Variants in FRMPD4 observed in about 807,000 individuals in gnomAD.
The protein encoded by FRMPD4 is FERM and PDZ domain-containing protein 4.
In FRMPD4, 22 loss-of-function variants were observed where a neutral mutation model predicts 94.1. That is an observed-to-expected ratio of 0.23 (90% CI 0.17 to 0.33). The LOEUF is 0.33. FRMPD4 is among the 10% of genes least tolerant of loss of function. The probability of loss-of-function intolerance (pLI) is 1.00; values close to 1 mark genes in which losing one functional copy is unlikely to be tolerated. For synonymous variants in FRMPD4, 631 were observed against 548.6 expected, an observed-to-expected ratio of 1.15 and a Z score of -2.10; for missense variants, 1,111 against 1,339.9, an observed-to-expected ratio of 0.83 and a Z score of 2.67.
At chrX:11,927,204 T>G (rs1396546962) in intron 3 of FRMPD4, among the ~76,000 whole-genome samples, 2 of 108,963 alleles carry the variant, frequency 1.8e-5, no homozygotes, top group Non-Finnish European at 3.8e-5. Flanking sequence ...AGGTAAAAGA[T>G]CTCTACAAAG....
chrX:11,901,070 A>G (rs1285170645), intron 3 of FRMPD4, among the ~76,000 whole-genome samples: 1 of 111,727 alleles, frequency 9.0e-6, no homozygotes, highest in Non-Finnish European at 1.9e-5. Context: ...TGGCCATGTG[A>G]ATCATCCTAC....
At chrX:12,540,224 A>T (rs915388771) in intron 2 of FRMPD4, among the ~76,000 whole-genome samples, 2 of 111,734 alleles carry the variant, frequency 1.8e-5, no homozygotes, top group African/African-American at 6.5e-5. Context: ...GACAGCATCA[A>T]ATCCACACAG....
intron 3 of FRMPD4, among the ~76,000 whole-genome samples, chrX:11,992,040 T>G (rs755788351): frequency 1.5e-4 from 17 of 111,719 alleles, no homozygotes; most frequent in Non-Finnish European, 2.6e-4. Flanking sequence ...ATATCTAGAC[T>G]ACTATCCAAT....
intron 1 of FRMPD4, among the ~76,000 whole-genome samples, chrX:11,845,202 G>A (rs1164096801): frequency 8.9e-6 from 1 of 111,779 alleles, no homozygotes; most frequent in Non-Finnish European, 1.9e-5. Context: ...AGTTTCTATT[G>A]ACTATTTTTC....
chrX:12,112,517 G>A (rs1278520965), intron 3 of FRMPD4, among the ~76,000 whole-genome samples: 1 of 110,792 alleles, frequency 9.0e-6, no homozygotes, highest in Non-Finnish European at 1.9e-5. Context: ...GTATACATAT[G>A]TAACAAACCT....
chrX:12,159,849 G>A (rs995339526), intron 1 of FRMPD4, among the ~76,000 whole-genome samples: 1 of 112,137 alleles, frequency 8.9e-6, no homozygotes, highest in African/African-American at 3.2e-5. Context: ...AAATTGAATG[G>A]TTAAGAAATA....
intron 1 of FRMPD4, among the ~76,000 whole-genome samples, chrX:12,141,355 T>G (rs946278782): frequency 1.8e-5 from 2 of 111,972 alleles, no homozygotes; most frequent in Non-Finnish European, 3.8e-5. Context: ...AAATGTTAAT[T>G]CAGAAGGCAT....
chrX:12,311,794 T>C (rs1353945491), intron 1 of FRMPD4, among the ~76,000 whole-genome samples: 3 of 111,892 alleles, frequency 2.7e-5, no homozygotes, highest in Admixed American at 9.5e-5. Context: ...CTTTTCAAGA[T>C]AATATCTTTT....
chrX:11,909,324 A>G (rs2053984397), intron 3 of FRMPD4, among the ~76,000 whole-genome samples: 1 of 112,049 alleles, frequency 8.9e-6, no homozygotes, highest in East Asian at 2.8e-4. Flanking sequence ...CTGAGTTTTA[A>G]AATTTATTGT....
At chrX:12,457,891 G>A (rs1231428400) in intron 1 of FRMPD4, among the ~76,000 whole-genome samples, 1 of 111,978 alleles carries the variant, frequency 8.9e-6, no homozygotes, top group Non-Finnish European at 1.9e-5. Flanking sequence ...TAGCAAGCCT[G>A]AAACTGCTAC....
intron 3 of FRMPD4, among the ~76,000 whole-genome samples, chrX:11,935,269 GTTTTTTTTTTTTT>G (rs1234166611): frequency 2.0e-4 from 1 of 5,009 alleles, no homozygotes; most frequent in African/African-American, 8.8e-4. Context: ...TTTTTAATGT[GTTTTTTTTTTTTT>G]TTTTTTTTTT....
chrX:12,609,134 A>G (rs1211795394), intron 2 of FRMPD4, among the ~76,000 whole-genome samples: 1 of 112,380 alleles, frequency 8.9e-6, no homozygotes, highest in African/African-American at 3.2e-5. Flanking sequence ...ATATTTATTA[A>G]TCATTAAGTA....
chrX:11,867,978 TTC>T (rs1055659082), intron 2 of FRMPD4, among the ~76,000 whole-genome samples: 1 of 112,030 alleles, frequency 8.9e-6, no homozygotes, highest in African/African-American at 3.2e-5. Flanking sequence ...TGTAGCCCAT[TTC>T]TCTCTTTCCG....
intron 2 of FRMPD4, among the ~76,000 whole-genome samples, chrX:12,516,275 T>C (rs1463741955): frequency 8.9e-6 from 1 of 112,152 alleles, no homozygotes; most frequent in Admixed American, 9.4e-5. Context: ...GACTTGTTGA[T>C]GTAGTTGCTT....
intron 2 of FRMPD4, among the ~76,000 whole-genome samples, chrX:12,519,330 T>C (rs1011467205): frequency 8.9e-6 from 1 of 112,472 alleles, no homozygotes; most frequent in African/African-American, 3.2e-5. Context: ...AACAGTGTGA[T>C]AGTGGTATAA....
intron 3 of FRMPD4, among the ~76,000 whole-genome samples, chrX:11,893,825 G>A (rs1413852265): frequency 9.0e-6 from 1 of 111,332 alleles, no homozygotes; most frequent in Non-Finnish European, 1.9e-5. Flanking sequence ...AAAAGGGGCA[G>A]TCCCTAGAGA....
chrX:12,482,244 A>G (rs1196724596), intron 1 of FRMPD4, among the ~76,000 whole-genome samples: 1 of 111,290 alleles, frequency 9.0e-6, no homozygotes, highest in African/African-American at 3.3e-5. Flanking sequence ...AATATAAAAC[A>G]TTTGTTTCAC....
At chrX:12,359,168 A>G (rs956515428) in intron 1 of FRMPD4, among the ~76,000 whole-genome samples, 12 of 112,098 alleles carry the variant, frequency 1.1e-4, no homozygotes, top group African/African-American at 3.9e-4. Flanking sequence ...AAGAAGCTAT[A>G]AAAATAGAGA....
At chrX:12,146,056 G>A (rs1320065270) in intron 1 of FRMPD4, among the ~76,000 whole-genome samples, 1 of 111,397 alleles carries the variant, frequency 9.0e-6, no homozygotes, top group African/African-American at 3.3e-5. Context: ...TGATTCACTT[G>A]GTTCCTTTGA....
Sources: allele counts gnomAD v4.1 joint callset (sites outside exome capture counted in the v4.1 genomes callset), GRCh38; gene constraint gnomAD v4.1.1; transcripts MANE v1.5; gene names NCBI Gene and HGNC (gene_info 2026-07-23, HGNC 2026-07-21).